The following DPP6 variants were observed in gnomAD, a reference collection of about 807,000 sequenced individuals.
The protein encoded by DPP6 is A-type potassium channel modulatory protein DPP6.
Under a neutral mutation model 122.6 loss-of-function variants are expected in DPP6, and 69 were observed. The observed-to-expected ratio is 0.56, with a 90% CI of 0.46 to 0.69. DPP6 has a LOEUF of 0.69. Among genes scored for constraint, DPP6 ranks in the 30% least tolerant of loss-of-function variants. The pLI is 0.00. For missense variants in DPP6, 928 were observed against 1,116.9 expected, an observed-to-expected ratio of 0.83 and a Z score of 2.41; for synonymous variants, 418 against 433.1, an observed-to-expected ratio of 0.97 and a Z score of 0.43.
chr7:154,157,015 C>CAATTT (rs1393283264), intron 1 of DPP6, among the ~76,000 whole-genome samples: 1 of 152,228 alleles, frequency 6.6e-6, no homozygotes, highest in Non-Finnish European at 1.5e-5. Flanking sequence ...TTTGGGAGAG[C>CAATTT]AATTTAATTT....
intron 1 of DPP6, among the ~76,000 whole-genome samples, chr7:154,421,385 C>A (rs1328178417): frequency 6.7e-6 from 1 of 150,162 alleles, no homozygotes. Flanking sequence ...TGCAATGGTA[C>A]AATCTCAGCT....
chr7:153,859,968 T>C, the DPP6 span, among the ~76,000 whole-genome samples: 34 of 152,194 alleles, frequency 2.2e-4, no homozygotes, highest in African/African-American at 7.7e-4. Context: ...TTAGAACTCA[T>C]GGTGAGATTT....
At chr7:154,387,078 A>C (rs1046269759) in intron 1 of DPP6, among the ~76,000 whole-genome samples, 8 of 152,132 alleles carry the variant, frequency 5.3e-5, no homozygotes, top group Admixed American at 2.0e-4. Context: ...CAAGGGGCGA[A>C]AGAGTGTGGA....
intron 4 of DPP6, among the ~76,000 whole-genome samples, chr7:154,560,797 C>T (rs781163818): frequency 7.3e-5 from 11 of 151,384 alleles, no homozygotes; most frequent in African/African-American, 9.7e-5. Context: ...GCAGGACAAT[C>T]GCTTGAACCC....
chr7:154,565,604 C>T (rs1830696068), intron 4 of DPP6, among the ~76,000 whole-genome samples: 1 of 152,172 alleles, frequency 6.6e-6, no homozygotes. Flanking sequence ...CGGTCCGCCA[C>T]AACCTCTGCC....
intron 1 of DPP6, among the ~76,000 whole-genome samples, chr7:154,204,612 C>G (rs1202781743): frequency 6.6e-6 from 1 of 152,196 alleles, no homozygotes; most frequent in Non-Finnish European, 1.5e-5. Context: ...AGCCCCATTT[C>G]CATGGGTAGG....
chr7:154,724,150 G>A (rs1841952432), intron 7 of DPP6, among the ~76,000 whole-genome samples: 1 of 152,102 alleles, frequency 6.6e-6, no homozygotes, highest in Non-Finnish European at 1.5e-5. Context: ...CTGGTGGATT[G>A]TGCATTAGGT....
At chr7:153,817,375 T>C in the DPP6 span, among the ~76,000 whole-genome samples, 3 of 140,030 alleles carry the variant, frequency 2.1e-5, no homozygotes, top group Admixed American at 2.1e-4. Context: ...TATACACATA[T>C]AAAATCCACA....
chr7:154,571,519 C>G (rs1552731), intron 5 of DPP6, among the ~76,000 whole-genome samples: 76,830 of 151,896 alleles, frequency 0.51, 20,930 homozygotes, highest in East Asian at 0.94. Flanking sequence ...ATTTCAAAGA[C>G]CTAAGAGAAA....
intron 1 of DPP6, among the ~76,000 whole-genome samples, chr7:154,188,262 G>A (rs1003208496): frequency 7.2e-5 from 11 of 152,038 alleles, no homozygotes; most frequent in African/African-American, 2.7e-4. Flanking sequence ...TTATTCTTAA[G>A]AGCAGTGAAC....
intron 1 of DPP6, among the ~76,000 whole-genome samples, chr7:154,273,489 T>C (rs1803930015): frequency 6.6e-6 from 1 of 152,190 alleles, no homozygotes; most frequent in South Asian, 2.1e-4. Context: ...CAATTACCCA[T>C]ATATTGCGGT....
chr7:153,930,315 A>G (rs1191469400), intron 1 of DPP6, among the ~76,000 whole-genome samples: 3 of 152,200 alleles, frequency 2.0e-5, no homozygotes, highest in African/African-American at 7.2e-5. Context: ...AGCATTATTC[A>G]TATCCAGCCT....
intron 1 of DPP6, among the ~76,000 whole-genome samples, chr7:154,101,224 A>G (rs906750561): frequency 6.7e-5 from 9 of 135,332 alleles, no homozygotes; most frequent in African/African-American, 2.2e-4. Flanking sequence ...TTCTACCACA[A>G]CAAACAACGC....
rs577932252 is a variant in DPP6 at position 154,485,641 on chromosome 7, A to G, written c.457+10604A>G. ...CAAAAGTTTCCTATTGGAGTTTTCT[A>G]TAGGACCTACGGGAAGAACTCAAAA... On this transcript the variant is annotated intron_variant, in intron 3 of 25. Coordinates refer to ENST00000377770, the MANE Select transcript of DPP6 (RefSeq NM_130797.4). Among the ~76,000 whole-genome samples, 8 of 152,338 alleles carry G rather than the reference A, an allele frequency of 5.3e-5. No individual in the cohort carries two copies. The South Asian group carries it at 1.7e-3, about 32-fold the overall frequency.
intron 7 of DPP6, among the ~76,000 whole-genome samples, chr7:154,713,389 C>G (rs1469456004): frequency 6.6e-6 from 1 of 152,250 alleles, no homozygotes; most frequent in Non-Finnish European, 1.5e-5. Flanking sequence ...TGTGGGGGCT[C>G]TGACCCCACA....
chr7:154,534,380 GT>G (rs1460214455), intron 3 of DPP6, among the ~76,000 whole-genome samples: 1 of 152,132 alleles, frequency 6.6e-6, no homozygotes, highest in East Asian at 1.9e-4. Flanking sequence ...AAAGGTCCTG[GT>G]TAGTGCAGTA....
At chr7:153,943,591 C>T (rs1160649052) in intron 1 of DPP6, among the ~76,000 whole-genome samples, 1 of 152,160 alleles carries the variant, frequency 6.6e-6, no homozygotes, top group Non-Finnish European at 1.5e-5. Context: ...AATGACGTGC[C>T]TCTGTTTTCA....
At position 154,319,600 on chromosome 7, in the gene DPP6, T is replaced by C. The variant is rs1053694351; in HGVS notation, c.244-126614T>C. ...ATCCCAGCTACTCAGGAGGCTGACATGGGAGAATCGCTTGAACCCAGGAGG... is the reference window on the plus strand; with the variant it reads ...ATCCCAGCTACTCAGGAGGCTGACACGGGAGAATCGCTTGAACCCAGGAGG... On this transcript the variant is annotated intron_variant, in intron 1 of 25. Transcript: ENST00000377770. Among the ~76,000 whole-genome samples the C allele has an allele frequency of 3.3e-5, 5 of 150,830 alleles. No homozygotes were observed. The East Asian group carries it at 9.8e-4, about 30-fold the overall frequency.
intron 3 of DPP6, among the ~76,000 whole-genome samples, chr7:154,479,557 C>CAAAAAAAAAAAAAAAAA (rs35103324): frequency 1.1e-5 from 1 of 91,232 alleles, no homozygotes; most frequent in Non-Finnish European, 2.1e-5. Flanking sequence ...GACTCCATCT[C>CAAAAAAAAAAAAAAAAA]AAAAAAAAAA....
Sources: allele counts gnomAD v4.1 joint callset (sites outside exome capture counted in the v4.1 genomes callset), GRCh38; gene constraint gnomAD v4.1.1; transcripts MANE v1.5; gene names NCBI Gene and HGNC (gene_info 2026-07-23, HGNC 2026-07-21).